The following RABGAP1L variants were observed in gnomAD, a reference collection of about 807,000 sequenced individuals.
The protein encoded by RABGAP1L is RAB GTPase activating protein 1 like.
In RABGAP1L, 63 loss-of-function variants were observed where a neutral mutation model predicts 137.7. The observed-to-expected ratio is 0.46, with a 90% confidence interval of 0.37 to 0.56. RABGAP1L has a LOEUF of 0.56. Among genes scored for constraint, RABGAP1L ranks in the 20% least tolerant of loss-of-function variants. RABGAP1L has a pLI of 0.00. For synonymous variants in RABGAP1L, 431 were observed against 433.7 expected, an observed-to-expected ratio of 0.99 and a Z score of 0.08; for missense variants, 1,095 against 1,244.0, an observed-to-expected ratio of 0.88 and a Z score of 1.80.
At chr1:174,692,073 T>G (rs1678914328) in intron 15 of RABGAP1L, among the ~76,000 whole-genome samples, 1 of 152,226 alleles carries the variant, frequency 6.6e-6, no homozygotes, top group African/African-American at 2.4e-5. Flanking sequence ...TGCCCCTTGC[T>G]TCTAGCCTTC....
chr1:174,800,475 G>A (rs765147513), intron 18 of RABGAP1L: 1 of 1,550,910 alleles, frequency 6.4e-7, no homozygotes. Flanking sequence ...ATGGGGCATC[G>A]TCTGTTTGTG....
chr1:174,242,576 G>T (rs1042533776), intron 5 of RABGAP1L, among the ~76,000 whole-genome samples: 5 of 152,184 alleles, frequency 3.3e-5, no homozygotes, highest in Non-Finnish European at 5.9e-5. Flanking sequence ...GGAATTAATG[G>T]AAATATGGAT....
intron 18 of RABGAP1L, 43 bp from the exon 19 acceptor site, chr1:174,811,789 G>A (rs776058560): frequency 8.2e-6 from 12 of 1,460,032 alleles, no homozygotes; most frequent in Non-Finnish European, 1.0e-5. Flanking sequence ...TGTCCTCAAA[G>A]CAGGCTGAAA....
chr1:174,428,583 C>T (rs146983791), intron 13 of RABGAP1L, among the ~76,000 whole-genome samples: 1 of 152,158 alleles, frequency 6.6e-6, no homozygotes, highest in African/African-American at 2.4e-5. Flanking sequence ...CCTTCACTTT[C>T]ACTTGCATTG....
At chr1:174,680,582 C>G (rs546774971) in intron 14 of RABGAP1L, among the ~76,000 whole-genome samples, 1 of 152,092 alleles carries the variant, frequency 6.6e-6, no homozygotes, top group Non-Finnish European at 1.5e-5. Flanking sequence ...GAATGAAGAA[C>G]TCGTAGGAAC....
intron 13 of RABGAP1L, among the ~76,000 whole-genome samples, chr1:174,527,659 TG>T (rs1664015579): frequency 6.6e-6 from 1 of 152,226 alleles, no homozygotes; most frequent in Non-Finnish European, 1.5e-5. Flanking sequence ...CCATTAGGTC[TG>T]AAGTCCAGTT....
intron 13 of RABGAP1L, among the ~76,000 whole-genome samples, chr1:174,557,937 A>T (rs1416745312): frequency 2.0e-5 from 3 of 152,206 alleles, no homozygotes; most frequent in Admixed American, 2.0e-4. Flanking sequence ...CTACCACCTG[A>T]GCACTCTTCT....
At position 174,847,596 on chromosome 1, in the gene RABGAP1L, T is replaced by A. The variant is rs368238951; in HGVS notation, c.2340+35636T>A. Among the ~76,000 whole-genome samples the A allele has an allele frequency of 1.0e-3, 142 of 138,340 alleles. 1 individual carries two copies. Among genetic ancestry groups the A allele is most frequent in the African/African-American group, 3.6e-3 (134 of 36,766 alleles). The allele number at this position is 138,340 out of a possible 152,430, so 90.8% of individuals were successfully genotyped here. A position where few individuals can be genotyped will look rare whatever the true frequency, so the allele number is the denominator to read the frequency against. On this transcript the variant is annotated intron_variant, in intron 19 of 25. Transcript: ENST00000681986. ...CTTGTAGGGTTTCTGCCGAGAGATC[T>A]GCTGTTAGTCTGATGGGCTTCCCTT...
rs778133197 is a variant in RABGAP1L, at chr1:174,988,762, A to T, written c.2927A>T (p.Lys976Met). 2.6e-6 allele frequency: 4 copies of T among 1,550,458 alleles called. No individual in the cohort carries two copies. The South Asian group carries it at 4.8e-5, about 18-fold the overall frequency. The change falls in exon 25 of 26, where the codon AAG (lysine) becomes ATG (methionine). Residue 976 changes from lysine to methionine, a missense_variant. Lys to Met is a moderately conservative substitution (Grantham distance 95). Transcript: ENST00000681986. The part of the protein sequence containing the change: ...IETDDEKDSL[K>M]KQLREMELEL... Reference sequence around the variant, plus strand: ...ACAGATGATGAGAAGGACTCACTTAAGAAGCAGCTGAGAGAGATGGAACTG... The same window carrying T: ...ACAGATGATGAGAAGGACTCACTTATGAAGCAGCTGAGAGAGATGGAACTG...
At chr1:174,655,381 T>C (rs1280728641) in intron 14 of RABGAP1L, among the ~76,000 whole-genome samples, 1 of 152,212 alleles carries the variant, frequency 6.6e-6, no homozygotes, top group African/African-American at 2.4e-5. Flanking sequence ...TTACAGGCCA[T>C]TTTTTTGAAT....
chr1:174,442,387 T>C (rs1654259075), intron 13 of RABGAP1L, among the ~76,000 whole-genome samples: 1 of 152,046 alleles, frequency 6.6e-6, no homozygotes, highest in Admixed American at 6.6e-5. Flanking sequence ...CACTTGAAAA[T>C]CGTTATTCTA....
At position 174,683,529 on chromosome 1, in the gene RABGAP1L, C is replaced by G; in HGVS notation, c.1832C>G (p.Ser611Cys). 6.3e-7 allele frequency: 1 copy of G among 1,598,764 alleles called. No individual in the cohort carries two copies. The stretch of plus-strand genomic sequence containing the variant: ...TTTTCATCTTTTCTCTAGGCCTACT[C>G]TGTGTATGATGAAGACATTGGGTAC... ...ESLYKICKAY[S>C]VYDEDIGYCQ... is the part of the protein sequence containing the mutation. Residue 611 changes from serine (S) to cysteine (C), a missense_variant, in exon 15 of 26, where the codon TCT (serine) becomes TGT (cysteine). Ser to Cys is a moderately radical substitution (Grantham distance 112). This residue lies in a region of RABGAP1L where 315 missense variants were observed against 324.8 expected (regional missense o/e 0.97). Coordinates refer to ENST00000681986, the MANE Select transcript of RABGAP1L (RefSeq NM_001366446.1).
At chr1:174,428,570 T>A (rs1330860387) in intron 13 of RABGAP1L, among the ~76,000 whole-genome samples, 3 of 152,232 alleles carry the variant, frequency 2.0e-5, no homozygotes. Context: ...TTCTTTAGCT[T>A]TGCCTTCACT....
chr1:174,467,398 G>A (rs988833369), intron 13 of RABGAP1L, among the ~76,000 whole-genome samples: 9 of 147,448 alleles, frequency 6.1e-5, no homozygotes, highest in Admixed American at 6.7e-5. Context: ...TTTGAGCCTA[G>A]TTAAAAAAAA....
chr1:174,722,850 A>G (rs1572929730), intron 17 of RABGAP1L, among the ~76,000 whole-genome samples: 1 of 152,200 alleles, frequency 6.6e-6, no homozygotes, highest in East Asian at 1.9e-4. Flanking sequence ...TCTTTCTTCC[A>G]AAATATAGAA....
At chr1:174,324,548 G>A (rs1439187921) in intron 11 of RABGAP1L, among the ~76,000 whole-genome samples, 2 of 152,192 alleles carry the variant, frequency 1.3e-5, no homozygotes, top group Non-Finnish European at 2.9e-5. Context: ...GTCTTAAACT[G>A]TGAGAAAAAC....
intron 19 of RABGAP1L, among the ~76,000 whole-genome samples, chr1:174,956,013 G>GA (rs1186363873): frequency 6.6e-6 from 1 of 152,108 alleles, no homozygotes; most frequent in Non-Finnish European, 1.5e-5. Context: ...TTATGGAACA[G>GA]AATAAGTTCT....
intron 3 of RABGAP1L, among the ~76,000 whole-genome samples, chr1:174,230,081 G>C (rs1670510203): frequency 6.6e-6 from 1 of 152,106 alleles, no homozygotes; most frequent in South Asian, 2.1e-4. Flanking sequence ...AAAATGATGA[G>C]TTCATGTCCT....
At chr1:174,924,070 C>G (rs1194375536) in intron 19 of RABGAP1L, among the ~76,000 whole-genome samples, 1 of 151,786 alleles carries the variant, frequency 6.6e-6, no homozygotes. Flanking sequence ...AACTACTGGA[C>G]AGTCTAGAAA....
Sources: gnomAD v4.1 joint callset for allele counts (sites outside exome capture counted in the v4.1 genomes callset) on GRCh38, gnomAD v4.1.1 for gene constraint, gnomAD v4.1.1 regional missense constraint, MANE v1.5 for transcripts, NCBI Gene and HGNC (gene_info 2026-07-23, HGNC 2026-07-21) for gene names.